Variants in NPTX2 observed in about 807,000 individuals in gnomAD.
The protein encoded by NPTX2 is neuronal pentraxin-2.
A neutral mutation model predicts 38.1 loss-of-function variants in NPTX2; 23 were observed. The ratio of observed to expected loss-of-function variants is 0.60; its 90% CI spans 0.43 to 0.85. The LOEUF (loss-of-function observed/expected upper bound fraction) is 0.85. Ranked by LOEUF, NPTX2 falls within the 40% of genes least tolerant of loss-of-function variation. NPTX2 has a pLI of 0.00. For synonymous variants in NPTX2, 291 were observed against 287.3 expected (o/e 1.01, Z -0.13); for missense variants, 553 against 615.3 (o/e 0.90, Z 1.07).
Position 98,628,636 on chromosome 7 carries a change from T to G in NPTX2, c.*7T>G, listed in dbSNP as rs1791393615. 1 of 1,410,566 alleles carries G rather than the reference T, an allele frequency of 7.1e-7. No homozygotes were observed. The highest frequency in any genetic ancestry group is 1.4e-5 in the African/African-American group (1 of 70,892). 87.4% of individuals were successfully genotyped at this position (1,410,566 alleles called of 1,614,324 possible). On this transcript the variant is annotated 3_prime_UTR_variant, in exon 5 of 5. Transcript: ENST00000265634. ...GCGTCTCCTTGACTTGTAGCCGCCT[T>G]CTCCTCTGTCCAGGAGGCCGGGATC...
intron 4 of NPTX2, among the ~76,000 whole-genome samples, chr7:98,627,999 T>A (rs1229990800): frequency 6.6e-6 from 1 of 152,088 alleles, no homozygotes; most frequent in Admixed American, 6.5e-5. Flanking sequence ...GGCATTCCAG[T>A]CTGTATTTGG....
intron 2 of NPTX2, among the ~76,000 whole-genome samples, chr7:98,622,385 C>T (rs1048229337): frequency 2.6e-5 from 4 of 152,234 alleles, no homozygotes; most frequent in Admixed American, 2.0e-4. Context: ...ATATTACCCA[C>T]ACGGAGTCGT....
At position 98,629,276 on chromosome 7, in the gene NPTX2, G is replaced by C. The variant is rs532744635; in HGVS notation, c.*647G>C. 6.5e-6 allele frequency: 1 copy of C among 152,708 alleles called. No individual in the cohort carries two copies. Among genetic ancestry groups the C allele is most frequent in the Admixed American group, 6.5e-5 (1 of 15,284 alleles). 9.5% of individuals were successfully genotyped at this position (152,708 alleles called of 1,614,324 possible). The stretch of plus-strand genomic sequence containing the variant: ...ATCGGGGGGGAGGGGGGCTCAGAAA[G>C]GAGAAGGGCTGTGATCTCCGGTCCC... On this transcript the variant is annotated 3_prime_UTR_variant, in exon 5 of 5. Transcript: ENST00000265634.
intron 2 of NPTX2, among the ~76,000 whole-genome samples, chr7:98,622,516 G>C (rs1441226071): frequency 6.6e-6 from 1 of 152,218 alleles, no homozygotes; most frequent in Non-Finnish European, 1.5e-5. Flanking sequence ...GTGGCTAAGT[G>C]TCGTGGAAAG....
chr7:98,626,296 G>A (rs1428230595), intron 3 of NPTX2, among the ~76,000 whole-genome samples: 2 of 151,958 alleles, frequency 1.3e-5, no homozygotes, highest in Non-Finnish European at 2.9e-5. Context: ...GAGTGGCTAC[G>A]CAAACTCCCT....
chr7:98,624,606 C>T (rs1791316533), intron 2 of NPTX2, among the ~76,000 whole-genome samples: 1 of 152,172 alleles, frequency 6.6e-6, no homozygotes, highest in Non-Finnish European at 1.5e-5. Context: ...GCCTTCCCTC[C>T]CCCGGCCACT....
chr7:98,618,585 T>A (rs1048926983), intron 1 of NPTX2, among the ~76,000 whole-genome samples: 2 of 18,052 alleles, frequency 1.1e-4, no homozygotes, highest in East Asian at 6.0e-3. Flanking sequence ...CCTCCCCCCC[T>A]CCCCCTCCGT....
Position 98,620,960 on chromosome 7 carries a change from G to A in NPTX2, c.643+1101G>A, listed in dbSNP as rs116356053. 3.3e-3 allele frequency among the ~76,000 whole-genome samples: 503 copies of A among 152,240 alleles called. 5 individuals are homozygous for A. Among genetic ancestry groups the A allele is most frequent in the African/African-American group, 0.011 (469 of 41,554 alleles). ...AGCCAGAGCTTCAGTCATGCCAGGC[G>A]GGAGCTCAGACTCCTGGTATGCCCG... On this transcript the variant is annotated intron_variant, in intron 2 of 4. Transcript: ENST00000265634.
intron 4 of NPTX2, among the ~76,000 whole-genome samples, chr7:98,628,188 AC>A: frequency 6.6e-6 from 1 of 152,198 alleles, no homozygotes; most frequent in East Asian, 1.9e-4. Flanking sequence ...GTCTTCCCTT[AC>A]CAGCCTCAGT....
At chr7:98,618,504 CA>C (rs976598368) in intron 1 of NPTX2, among the ~76,000 whole-genome samples, 4 of 150,228 alleles carry the variant, frequency 2.7e-5, no homozygotes, top group African/African-American at 9.8e-5. Context: ...CAAGTTGGAC[CA>C]TTTTAAGGTG....
At chr7:98,624,773 T>C (rs1791319507) in intron 2 of NPTX2, 149 bp from the exon 3 acceptor site, 1 of 861,596 alleles carries the variant, frequency 1.2e-6, no homozygotes, top group South Asian at 1.7e-5. Flanking sequence ...GTGGCTGGTG[T>C]GGAGCGGTCT....
intron 3 of NPTX2, among the ~76,000 whole-genome samples, chr7:98,626,768 G>A (rs1181195685): frequency 6.9e-6 from 1 of 144,238 alleles, no homozygotes; most frequent in African/African-American, 2.8e-5. Context: ...CACACCCGCA[G>A]CACACAGATC....
At chr7:98,625,981 A>G (rs906851457) in intron 3 of NPTX2, among the ~76,000 whole-genome samples, 3 of 151,970 alleles carry the variant, frequency 2.0e-5, no homozygotes, top group Non-Finnish European at 2.9e-5. Flanking sequence ...CCCCTTCTCT[A>G]CAAAAAATTA....
chr7:98,629,419 C>G lies in NPTX2; in HGVS notation c.*790C>G, dbSNP rs1791407885. 6.6e-6 allele frequency: 1 copy of G among 152,442 alleles called. No individual in the cohort carries two copies. Among genetic ancestry groups the G allele is most frequent in the Admixed American group, 6.5e-5 (1 of 15,272 alleles). The allele number at this position is 152,442 out of a possible 1,614,324, so 9.4% of individuals were successfully genotyped here. ...TTCCGTTGCAGCTTTTTACAACCAT[C>G]CGGTGTGGTTTGGAGGATTTGTTTT... On this transcript the variant is annotated 3_prime_UTR_variant, in exon 5 of 5. Transcript: ENST00000265634.
At chr7:98,619,989 C>A in intron 2 of NPTX2, 130 bp downstream of exon 2, 1 of 789,850 alleles carries the variant, frequency 1.3e-6, no homozygotes, top group Non-Finnish European at 2.1e-6. Context: ...AGTGTGTGAG[C>A]AAATAATAAA....
Position 98,617,576 on chromosome 7 carries a change from G to A in NPTX2, c.115G>A (p.Ala39Thr). ...GGCACTGCCCCCAGAGGCGGTGCAC[G>A]CCGGCTGCCCGCTGCCCGCGATGCC... Reference protein sequence around the residue: ...CTALPPEAVHAGCPLPAMPMQ... With the variant: ...CTALPPEAVHTGCPLPAMPMQ... The change falls in exon 1 of 5, where the codon GCC becomes ACC. Residue 39 changes from alanine (A) to threonine (T), a missense_variant. Ala to Thr is a moderately conservative substitution (Grantham distance 58). Coordinates refer to ENST00000265634, the MANE Select transcript of NPTX2 (RefSeq NM_002523.3). The A allele has an allele frequency of 2.7e-6, 4 of 1,481,384 alleles. No homozygotes were observed. The highest frequency in any genetic ancestry group is 3.6e-6 in the Non-Finnish European group (4 of 1,123,306). 91.8% of individuals were successfully genotyped at this position (1,481,384 alleles called of 1,614,324 possible).
intron 3 of NPTX2, 67 bp downstream of exon 3, chr7:98,625,233 AC>A: frequency 6.6e-7 from 1 of 1,518,436 alleles, no homozygotes. Context: ...CACAGCCCCC[AC>A]CCCAGCCGTC....
rs1238803451 is a variant in NPTX2, at chr7:98,617,392, G to C, written c.-70G>C. 2.6e-6 allele frequency: 1 copy of C among 389,820 alleles called. No individual in the cohort carries two copies. Among genetic ancestry groups the C allele is most frequent in the African/African-American group, 2.1e-5 (1 of 47,004 alleles). The allele number at this position is 389,820 out of a possible 1,614,324, so 24.1% of individuals were successfully genotyped here. A position where few individuals can be genotyped will look rare whatever the true frequency, so the allele number is the denominator to read the frequency against. On this transcript the variant is annotated 5_prime_UTR_variant, in exon 1 of 5. Transcript: ENST00000265634. ...AGCGCGGCTACTGCCAGCAGCGAAG[G>C]CGCCTCCCGCGGAGCGCCCCGACGG...
chr7:98,622,860 G>A (rs1451087049), intron 2 of NPTX2, among the ~76,000 whole-genome samples: 4 of 152,304 alleles, frequency 2.6e-5, no homozygotes, highest in African/African-American at 7.2e-5. Context: ...CATGCAACAC[G>A]TGAAGCCCAG....
Sources: allele counts gnomAD v4.1 joint callset (sites outside exome capture counted in the v4.1 genomes callset), GRCh38; gene constraint gnomAD v4.1.1; transcripts MANE v1.5; gene names NCBI Gene and HGNC (gene_info 2026-07-23, HGNC 2026-07-21).